The following FER1L6 variants were observed in gnomAD, a reference collection of about 807,000 sequenced individuals.
The protein encoded by FER1L6 is fer-1-like protein 6.
FER1L6 carries 177 observed loss-of-function variants against 219.2 expected under a neutral mutation model. The ratio of observed to expected loss-of-function variants is 0.81; its 90% CI spans 0.71 to 0.91. The LOEUF is 0.91. Ranked by LOEUF, FER1L6 falls within the 40% of genes least tolerant of loss-of-function variation. The pLI, the probability that FER1L6 is intolerant of heterozygous loss-of-function variation, is 0.00. For missense variants in FER1L6, 2,153 were observed against 2,259.9 expected (o/e 0.95, Z 0.96); for synonymous variants, 768 against 824.3 (o/e 0.93, Z 1.17).
In FER1L6 at chr8:123,979,491, G is replaced by T. The variant is rs2130326134; in HGVS notation, c.1064-974G>T. Among the ~76,000 whole-genome samples the T allele has an allele frequency of 2.0e-5, 3 of 152,248 alleles. 1 individual carries two copies. In the South Asian group the frequency reaches 6.2e-4, roughly 32 times the overall value. On this transcript the variant is annotated intron_variant, in intron 10 of 40. Transcript: ENST00000522917. ...CTTGAACATGACAGAGCTGAGATTT[G>T]AACTCAGGCCTCAGAGCCACCAGAC... is the stretch of plus-strand genomic sequence containing the variant.
chr8:123,931,614 T>C (rs1173655938), intron 1 of FER1L6, among the ~76,000 whole-genome samples: 1 of 152,190 alleles, frequency 6.6e-6, no homozygotes, highest in African/African-American at 2.4e-5. Flanking sequence ...GCAAAGACAA[T>C]GTATTTTTGT....
intron 19 of FER1L6, 34 bp from the exon 20 acceptor site, chr8:124,039,848 C>A: frequency 6.2e-7 from 1 of 1,613,744 alleles, no homozygotes; most frequent in Non-Finnish European, 8.5e-7. Context: ...GAAAAGCCCA[C>A]TAACACCTGC....
chr8:124,100,239 T>C (rs1460943306), intron 37 of FER1L6, among the ~76,000 whole-genome samples: 1 of 152,184 alleles, frequency 6.6e-6, no homozygotes, highest in African/African-American at 2.4e-5. Flanking sequence ...TCTCAATTAA[T>C]TCACCATGGA....
chr8:124,027,922 A>G (rs1818782469), intron 18 of FER1L6, among the ~76,000 whole-genome samples: 1 of 152,192 alleles, frequency 6.6e-6, no homozygotes, highest in South Asian at 2.1e-4. Context: ...TTTTTCACCC[A>G]AGTCATTCAC....
chr8:123,980,413 C>T (rs371422017), intron 10 of FER1L6, 52 bp from the exon 11 acceptor site: 2 of 1,455,026 alleles, frequency 1.4e-6, no homozygotes, highest in Non-Finnish European at 1.9e-6. Context: ...ATGTGTGCAA[C>T]TTTTATAAAG....
intron 12 of FER1L6, among the ~76,000 whole-genome samples, chr8:123,996,222 G>A (rs1219941302): frequency 6.6e-6 from 1 of 152,018 alleles, no homozygotes; most frequent in African/African-American, 2.4e-5. Flanking sequence ...TTTTCTGTCT[G>A]GATGATTTTT....
At chr8:124,052,822 A>G (rs1820113506) in intron 22 of FER1L6, among the ~76,000 whole-genome samples, 2 of 152,090 alleles carry the variant, frequency 1.3e-5, no homozygotes, top group African/African-American at 4.8e-5. Context: ...CAAAAAAAAC[A>G]GCATCACATT....
Position 123,977,582 on chromosome 8 carries a change from AT to A in FER1L6, c.1037del (p.Ile346ThrfsTer31). 1 of 1,614,064 alleles carries A rather than the reference AT, an allele frequency of 6.2e-7. No homozygotes were observed. Among genetic ancestry groups the A allele is most frequent in the Non-Finnish European group, 8.5e-7 (1 of 1,179,970 alleles). On this transcript the variant is annotated frameshift_variant, in exon 10 of 41. Transcript: ENST00000522917. LOFTEE classifies it high-confidence loss of function. ...LATHFIDLKK[I>X]SNEQDGDKGF... ...AACCCATTTCATTGACCTGAAGAAAATCTCCAACGAACAGGATGGAGACAAA... is the reference window on the plus strand; with the variant it reads ...AACCCATTTCATTGACCTGAAGAAAACTCCAACGAACAGGATGGAGACAAA...
At chr8:124,106,341 A>C (rs1017927496) in intron 39 of FER1L6, among the ~76,000 whole-genome samples, 7 of 146,998 alleles carry the variant, frequency 4.8e-5, no homozygotes, top group African/African-American at 1.8e-4. Context: ...AAAAAAAAAA[A>C]AAAAAAAAAA....
chr8:123,927,024 G>C (rs1813589888), intron 1 of FER1L6, among the ~76,000 whole-genome samples: 1 of 152,036 alleles, frequency 6.6e-6, no homozygotes, highest in Admixed American at 6.5e-5. Flanking sequence ...ACTGTTCTAA[G>C]CACTTTACAA....
At chr8:123,888,179 C>T (rs753428512) in intron 1 of FER1L6, among the ~76,000 whole-genome samples, 48 of 151,840 alleles carry the variant, frequency 3.2e-4, no homozygotes, top group Admixed American at 1.0e-3. Flanking sequence ...TGCAGTGACA[C>T]GATCTTGGCT....
At chr8:124,003,443 G>A (rs1312083396) in intron 13 of FER1L6, 96 bp downstream of exon 13, 9 of 241,848 alleles carry the variant, frequency 3.7e-5, no homozygotes, top group South Asian at 9.7e-5. Flanking sequence ...ACTAAAATCA[G>A]AAATGTCCTT....
At chr8:124,114,640 T>G (rs183673361) in intron 39 of FER1L6, among the ~76,000 whole-genome samples, 1 of 152,130 alleles carries the variant, frequency 6.6e-6, no homozygotes, top group East Asian at 1.9e-4. Context: ...GCTTTGTACA[T>G]AAGACTTTTT....
chr8:124,042,651 G>A (rs1039820100), intron 20 of FER1L6, among the ~76,000 whole-genome samples: 38 of 152,220 alleles, frequency 2.5e-4, no homozygotes, highest in African/African-American at 9.1e-4. Context: ...CAGGTGACAT[G>A]CCCCCTTTAT....
chr8:123,925,017 TC>T (rs1212516474), intron 1 of FER1L6: 1 of 152,260 alleles, frequency 6.6e-6, no homozygotes, highest in East Asian at 1.9e-4. Flanking sequence ...AAATTCAATT[TC>T]CTAGAAGTGA....
At chr8:123,988,004 A>G (rs2130388376) in intron 12 of FER1L6, among the ~76,000 whole-genome samples, 1 of 152,248 alleles carries the variant, frequency 6.6e-6, no homozygotes, top group African/African-American at 2.4e-5. Context: ...AGGCTGAGGC[A>G]GGAGAATCAC....
chr8:123,990,117 A>T (rs1816779783), intron 12 of FER1L6, among the ~76,000 whole-genome samples: 3 of 152,170 alleles, frequency 2.0e-5, no homozygotes, highest in African/African-American at 7.2e-5. Flanking sequence ...AAATACAAAA[A>T]ATTAGCTGGG....
At chr8:123,919,230 G>C (rs928839012) in intron 1 of FER1L6, among the ~76,000 whole-genome samples, 1 of 152,190 alleles carries the variant, frequency 6.6e-6, no homozygotes, top group Non-Finnish European at 1.5e-5. Flanking sequence ...GCAGAGAATG[G>C]GAGAGTTGGT....
At chr8:124,088,942 A>C (rs1821899368) in intron 33 of FER1L6, among the ~76,000 whole-genome samples, 1 of 151,856 alleles carries the variant, frequency 6.6e-6, no homozygotes, top group African/African-American at 2.4e-5. Context: ...GGGCCTCTGA[A>C]CTGTGCTGCC....
Sources: gnomAD v4.1 joint callset for allele counts (sites outside exome capture counted in the v4.1 genomes callset) on GRCh38, gnomAD v4.1.1 for gene constraint, MANE v1.5 for transcripts, NCBI Gene and HGNC (gene_info 2026-07-23, HGNC 2026-07-21) for gene names.